PDXK: variants seen among roughly 807,000 people sequenced by gnomAD.
PDXK encodes epididymis secretory sperm binding protein Li 1a.
PDXK carries 15 observed loss-of-function variants against 43.2 expected under a neutral mutation model. That is an observed-to-expected ratio of 0.35 (90% CI 0.23 to 0.53). The LOEUF (loss-of-function observed/expected upper bound fraction) is 0.53. PDXK is among the 20% of genes least tolerant of loss of function. The probability of loss-of-function intolerance (pLI) is 0.92; values close to 1 mark genes in which losing one functional copy is unlikely to be tolerated. For missense variants in PDXK, 343 were observed against 417.0 expected, an observed-to-expected ratio of 0.82 and a Z score of 1.54; for synonymous variants, 172 against 165.4, an observed-to-expected ratio of 1.04 and a Z score of -0.31.
At chr21:43,728,146 G>A (rs1392736311) in intron 1 of PDXK, among the ~76,000 whole-genome samples, 2 of 152,172 alleles carry the variant, frequency 1.3e-5, no homozygotes, top group Non-Finnish European at 2.9e-5. Context: ...GGTCAGGGAT[G>A]AGGGGAGACT....
intron 3 of PDXK, among the ~76,000 whole-genome samples, chr21:43,742,471 T>C (rs1482920453): frequency 1.3e-5 from 2 of 152,030 alleles, no homozygotes; most frequent in East Asian, 3.9e-4. Flanking sequence ...CGTGAGCCAC[T>C]GCAGCCAGCC....
chr21:43,738,090 T>G, intron 2 of PDXK: 1 of 974,580 alleles, frequency 1.0e-6, no homozygotes, highest in African/African-American at 1.8e-5. Context: ...TCCCCCCAAA[T>G]TCTCATGTTG....
Position 43,752,536 on chromosome 21 carries a change from T to G in PDXK, c.529T>G (p.Ser177Ala). 6.2e-7 allele frequency: 1 copy of G among 1,611,574 alleles called. No individual in the cohort carries two copies. Among genetic ancestry groups the G allele is most frequent in the Non-Finnish European group, 8.5e-7 (1 of 1,179,604 alleles). ...CTGCTAGGTGATGGACATGCTGCAC[T>G]CTATGGGCCCCGACACCGTGGTCAT... The part of the protein sequence containing the change: ...EALRVMDMLH[S>A]MGPDTVVITS... Residue 177 changes from serine to alanine, a missense_variant, in exon 8 of 11, where the codon TCT becomes GCT. Ser to Ala is a moderately conservative substitution (Grantham distance 99). Coordinates refer to ENST00000291565, the MANE Select transcript of PDXK (RefSeq NM_003681.5).
rs768515044 is a variant in PDXK at position 43,735,153 on chromosome 21, C to T, written c.142+1030C>T. Among the ~76,000 whole-genome samples, 15 of 152,224 alleles carry T rather than the reference C, an allele frequency of 9.9e-5. No homozygotes were observed. Among genetic ancestry groups the T allele is most frequent in the Admixed American group, 8.5e-4 (13 of 15,286 alleles). ...CTTTCCTGCCTTTGCTTGCGGGGCA[C>T]ACTGGGTGCTGTGAGATTTGGAGAC... On this transcript the variant is annotated intron_variant, in intron 2 of 10. Transcript: ENST00000291565. This position sits in a 1 kb window ranked among gnomAD's most constrained non-coding sequence, Gnocchi z 5.3.
Position 43,739,923 on chromosome 21 carries a change from G to C in PDXK, c.143-1744G>C, listed in dbSNP as rs373082579. ...CCCCAAACCCCGCCCCAGCCTGGCA[G>C]AAGCCTCCTCAGGACACACCCTCCA... On this transcript the variant is annotated intron_variant, in intron 2 of 10. Transcript: ENST00000291565. Among the ~76,000 whole-genome samples, 413 of 151,738 alleles carry C rather than the reference G, an allele frequency of 2.7e-3. 7 individuals carry two copies. The South Asian group carries it at 0.028, about 10-fold the overall frequency.
intron 5 of PDXK, among the ~76,000 whole-genome samples, chr21:43,746,657 G>C (rs920066388): frequency 2.0e-5 from 3 of 152,056 alleles, no homozygotes; most frequent in Admixed American, 2.0e-4. Context: ...AGCCTCAAGT[G>C]ATCCACCTGC....
chr21:43,730,795 A>G (rs1223558384), intron 1 of PDXK, among the ~76,000 whole-genome samples: 1 of 152,072 alleles, frequency 6.6e-6, no homozygotes, highest in East Asian at 1.9e-4. Flanking sequence ...CTCAACAAAA[A>G]AATATAAAAA....
At chr21:43,745,751 C>G (rs535787732) in intron 4 of PDXK, 53 of 315,044 alleles carry the variant, frequency 1.7e-4, no homozygotes, top group African/African-American at 1.1e-3. Context: ...GATCTGAGCA[C>G]TTTGGGAGGC....
Position 43,732,348 on chromosome 21 carries a change from A to G in PDXK, c.88-1721A>G. On this transcript the variant is annotated intron_variant, in intron 1 of 10. Coordinates refer to ENST00000291565, the MANE Select transcript of PDXK (RefSeq NM_003681.5). This position sits in a 1 kb window ranked among gnomAD's most constrained non-coding sequence, Gnocchi z 4.1. ...GCCCCCCGTGCATTGTCGTCTTCTG[A>G]GTCTGGCTTTGTCTGGCACATGAAG... 1 of 1,608,610 alleles carries G rather than the reference A, an allele frequency of 6.2e-7. No homozygotes were observed. Among genetic ancestry groups the G allele is most frequent in the Non-Finnish European group, 8.5e-7 (1 of 1,176,442 alleles).
In PDXK at chr21:43,743,720, A is replaced by G; in HGVS notation, c.248-4A>G. 1 of 1,605,488 alleles carries G rather than the reference A, an allele frequency of 6.2e-7. No individual in the cohort carries two copies. Among genetic ancestry groups the G allele is most frequent in the Non-Finnish European group, 8.5e-7 (1 of 1,172,338 alleles). ...TGAGGGTGACCTGGATTCTCCCCCTAAAGGTTATACGAGGGACAAGTCGTT... is the reference window on the plus strand; with the variant it reads ...TGAGGGTGACCTGGATTCTCCCCCTGAAGGTTATACGAGGGACAAGTCGTT... On this transcript the variant is annotated splice_region_variant and splice_polypyrimidine_tract_variant and intron_variant, in intron 3 of 10. Transcript: ENST00000291565.
chr21:43,750,962 A>ATGTG (rs3042278), intron 7 of PDXK, among the ~76,000 whole-genome samples: 1,921 of 150,722 alleles, frequency 0.013, 20 homozygotes, highest in East Asian at 0.022. Context: ...ATGTGTGTGC[A>ATGTG]TGTGTGTGTG....
intron 7 of PDXK, among the ~76,000 whole-genome samples, chr21:43,751,597 A>G (rs2083752224): frequency 6.6e-6 from 1 of 152,174 alleles, no homozygotes; most frequent in South Asian, 2.1e-4. Context: ...TGTTCCCCAC[A>G]GTTCTGGAGG....
chr21:43,737,997 C>T lies in PDXK; in HGVS notation c.143-3670C>T. The T allele has an allele frequency of 1.0e-6, 1 of 985,488 alleles. No homozygotes were observed. The highest frequency in any genetic ancestry group is 1.2e-6 in the Non-Finnish European group (1 of 829,972). The allele number at this position is 985,488 out of a possible 1,614,324, so 61.0% of individuals were successfully genotyped here. ...TCTGTTTCGATAGGAAGCTGGGCCT[C>T]AGAGGGGCCTGGGGCCTGTGTCTGA... is the stretch of plus-strand genomic sequence containing the variant. On this transcript the variant is annotated intron_variant, in intron 2 of 10. Coordinates refer to ENST00000291565, the MANE Select transcript of PDXK (RefSeq NM_003681.5). This position sits in a 1 kb window ranked among gnomAD's most constrained non-coding sequence, Gnocchi z 4.8.
chr21:43,740,227 A>G (rs1283841820), intron 2 of PDXK, among the ~76,000 whole-genome samples: 1 of 152,084 alleles, frequency 6.6e-6, no homozygotes, highest in African/African-American at 2.4e-5. Context: ...TGCTGGGGAA[A>G]GCCAAAGGCG....
intron 1 of PDXK, among the ~76,000 whole-genome samples, chr21:43,724,620 T>C (rs1186093690): frequency 6.7e-6 from 1 of 150,194 alleles, no homozygotes; most frequent in Non-Finnish European, 1.5e-5. Flanking sequence ...GATGGGGGGA[T>C]CACTTGAGCC....
At chr21:43,719,441 G>C in intron 1 of PDXK, 60 bp downstream of exon 1, 20 of 1,447,732 alleles carry the variant, frequency 1.4e-5, no homozygotes, top group Non-Finnish European at 1.9e-5. Flanking sequence ...TGGCGGGGCT[G>C]CCCGAGACGA....
intron 1 of PDXK, among the ~76,000 whole-genome samples, chr21:43,722,235 G>A (rs182841026): frequency 6.6e-6 from 1 of 152,264 alleles, no homozygotes; most frequent in Admixed American, 6.5e-5. Flanking sequence ...TTTCCTCTTG[G>A]GTGTAGGAAA....
intron 4 of PDXK, 143 bp from the exon 5 acceptor site, chr21:43,745,936 G>T (rs947617614): frequency 8.8e-5 from 62 of 702,514 alleles, no homozygotes; most frequent in Non-Finnish European, 1.4e-4. Flanking sequence ...GATCGAGGTT[G>T]CAGTGAACCA....
chr21:43,733,484 C>A (rs940764574), intron 1 of PDXK: 1 of 198,836 alleles, frequency 5.0e-6, no homozygotes, highest in African/African-American at 2.4e-5. Flanking sequence ...AGGAGGCCCC[C>A]ACTCCGTGGA....
Sources: allele counts gnomAD v4.1 joint callset (sites outside exome capture counted in the v4.1 genomes callset), GRCh38; gene constraint gnomAD v4.1.1; non-coding constraint Gnocchi (gnomAD v3.1); transcripts MANE v1.5; gene names NCBI Gene and HGNC (gene_info 2026-07-23, HGNC 2026-07-21).